TOR1A: variants seen among roughly 807,000 people sequenced by gnomAD.
TOR1A encodes torsin family 1 member A.
Under a neutral mutation model 31.4 loss-of-function variants are expected in TOR1A, and 18 were observed. The observed-to-expected ratio is 0.57, with a 90% CI of 0.40 to 0.85. TOR1A has a LOEUF of 0.85. Among genes scored for constraint, TOR1A ranks in the 40% least tolerant of loss-of-function variants. The probability of loss-of-function intolerance (pLI) is 0.00; values close to 1 mark genes in which losing one functional copy is unlikely to be tolerated. For synonymous variants in TOR1A, 168 were observed against 165.9 expected (o/e 1.01, Z -0.10); for missense variants, 375 against 416.4 (o/e 0.90, Z 0.87).
At chr9:129,814,541 G>A (rs1241701519) in intron 4 of TOR1A, among the ~76,000 whole-genome samples, 1 of 151,718 alleles carries the variant, frequency 6.6e-6, no homozygotes, top group Non-Finnish European at 1.5e-5. Context: ...CTCCCTTGTG[G>A]AGCTCCAGAT....
At chr9:129,822,961 G>A (rs966320058) in intron 1 of TOR1A, 115 bp from the exon 2 acceptor site, 5 of 1,449,716 alleles carry the variant, frequency 3.4e-6, no homozygotes, top group East Asian at 4.7e-5. Context: ...AGCACCTTGC[G>A]AAACCTCAAG....
chr9:129,820,625 G>A (rs925944280), intron 2 of TOR1A, among the ~76,000 whole-genome samples: 1 of 152,060 alleles, frequency 6.6e-6, no homozygotes, highest in East Asian at 1.9e-4. Flanking sequence ...TTGGGACAGG[G>A]TCTCACTCCG....
intron 1 of TOR1A, 21 bp downstream of exon 1, chr9:129,823,887 C>CCA: frequency 6.7e-7 from 1 of 1,483,598 alleles, no homozygotes; most frequent in Non-Finnish European, 9.1e-7. Flanking sequence ...GCCCCAGCCT[C>CCA]CAGCCCCCGC....
chr9:129,818,986 C>A, intron 2 of TOR1A, 66 bp from the exon 3 acceptor site: 2 of 1,557,910 alleles, frequency 1.3e-6, no homozygotes, highest in Non-Finnish European at 1.7e-6. Context: ...GCTCCTTCTA[C>A]CACTAAGAAC....
At chr9:129,823,144 C>T (rs2031230608) in intron 1 of TOR1A, among the ~76,000 whole-genome samples, 2 of 152,190 alleles carry the variant, frequency 1.3e-5, no homozygotes, top group South Asian at 2.1e-4. Flanking sequence ...CCTCCCACCC[C>T]AAGGCAGAGC....
Position 129,813,772 on chromosome 9 carries a change from A to G in TOR1A, c.*200T>C. 1 of 721,534 alleles carries G rather than the reference A, an allele frequency of 1.4e-6. No individual in the cohort carries two copies. The highest frequency in any genetic ancestry group is 2.3e-6 in the Non-Finnish European group (1 of 426,804). The allele number at this position is 721,534 out of a possible 1,614,324, so 44.7% of individuals were successfully genotyped here. ...CTTCTGTGCGTGTTCGGGAGGCTTC[A>G]CGTCCTCGCCCGTGGTCCCTGGGTG... On this transcript the variant is annotated 3_prime_UTR_variant, in exon 5 of 5. Coordinates refer to ENST00000351698, the MANE Select transcript of TOR1A (RefSeq NM_000113.3).
chr9:129,816,729 C>T (rs766551653), intron 4 of TOR1A, among the ~76,000 whole-genome samples: 83 of 152,212 alleles, frequency 5.5e-4, no homozygotes, highest in Admixed American at 2.4e-3. Context: ...TTCTAGGCCA[C>T]GGGGCTCATC....
intron 2 of TOR1A, 62 bp from the exon 3 acceptor site, chr9:129,818,982 T>C: frequency 1.3e-6 from 2 of 1,577,366 alleles, no homozygotes; most frequent in Non-Finnish European, 1.7e-6. Context: ...ATCAGCTCCT[T>C]CTACCACTAA....
intron 4 of TOR1A, among the ~76,000 whole-genome samples, chr9:129,815,909 G>A (rs2031024287): frequency 6.6e-6 from 1 of 151,958 alleles, no homozygotes; most frequent in Admixed American, 6.6e-5. Context: ...CCGCTTCCAC[G>A]CTGGGCTCCC....
chr9:129,823,876 AG>A, intron 1 of TOR1A, 31 bp downstream of exon 1: 19 of 871,678 alleles, frequency 2.2e-5, no homozygotes, highest in Non-Finnish European at 2.6e-5. Context: ...CCCCAGCCCC[AG>A]CCCCAGCCTC....
At chr9:129,814,345 C>G in intron 4 of TOR1A, 123 bp from the exon 5 acceptor site, 5 of 1,451,522 alleles carry the variant, frequency 3.4e-6, no homozygotes, top group Non-Finnish European at 4.7e-6. Flanking sequence ...GTCACCTATC[C>G]ATGCCACACA....
rs1051480075 is a variant in TOR1A at position 129,823,984 on chromosome 9, G to A, written c.102C>T (p.Leu34=). Residue 34 remains leucine, a synonymous_variant, in exon 1 of 5, where the codon CTC becomes CTT. Transcript: ENST00000351698. ...AGAGACGCGGGTAGATGTAGCCGGTGAGGACGCCGGCCAGGGCCAGTCCCA... is the reference window on the plus strand; with the variant it reads ...AGAGACGCGGGTAGATGTAGCCGGTAAGGACGCCGGCCAGGGCCAGTCCCA... ...ISLGLALAGV[L]TGYIYPRLYC... 9 of 1,611,386 alleles carry A rather than the reference G, an allele frequency of 5.6e-6. No homozygotes were observed. In the African/African-American group the frequency reaches 9.3e-5, roughly 17 times the overall value.
At chr9:129,816,815 T>TA (rs2031052027) in intron 4 of TOR1A, among the ~76,000 whole-genome samples, 1 of 152,250 alleles carries the variant, frequency 6.6e-6, no homozygotes, top group Admixed American at 6.5e-5. Context: ...TCCAACATGT[T>TA]ACAAAATACT....
chr9:129,815,733 G>A (rs945013324), intron 4 of TOR1A, among the ~76,000 whole-genome samples: 3 of 152,172 alleles, frequency 2.0e-5, no homozygotes, highest in African/African-American at 4.8e-5. Flanking sequence ...CACTGAGCTC[G>A]CCCGTCCTTC....
intron 4 of TOR1A, among the ~76,000 whole-genome samples, chr9:129,817,556 G>A (rs1179851122): frequency 1.3e-5 from 2 of 151,878 alleles, no homozygotes; most frequent in Non-Finnish European, 2.9e-5. Flanking sequence ...AAAATTTGCC[G>A]AGTGTGGTGG....
chr9:129,821,888 T>G, intron 2 of TOR1A: 1 of 148,552 alleles, frequency 6.7e-6, no homozygotes. Context: ...AGTGAGACCC[T>G]GACTCAAAGA....
rs552324592 is a variant in TOR1A at position 129,815,430 on chromosome 9, G to A, written c.749-1208C>T. 3.3e-5 allele frequency among the ~76,000 whole-genome samples: 5 copies of A among 152,342 alleles called. No homozygotes were observed. The South Asian group carries it at 8.3e-4, about 25-fold the overall frequency. On this transcript the variant is annotated intron_variant, in intron 4 of 4. Transcript: ENST00000351698. ...ACAGCTGAGGGCAGACGGACCTCACGGCTTTACCACTCTAGGGCAGGAAAC... is the reference window on the plus strand; with the variant it reads ...ACAGCTGAGGGCAGACGGACCTCACAGCTTTACCACTCTAGGGCAGGAAAC...
chr9:129,823,843 T>C, intron 1 of TOR1A, 65 bp downstream of exon 1: 1 of 1,493,928 alleles, frequency 6.7e-7, no homozygotes. Context: ...TGGTCCTAGT[T>C]CAGCCCTAGT....
At chr9:129,819,688 G>A (rs1360624161) in intron 2 of TOR1A, among the ~76,000 whole-genome samples, 1 of 151,964 alleles carries the variant, frequency 6.6e-6, no homozygotes, top group Non-Finnish European at 1.5e-5. Flanking sequence ...AACCTGGGAG[G>A]CGGAGGTTGC....
Sources: allele counts gnomAD v4.1 joint callset (sites outside exome capture counted in the v4.1 genomes callset), GRCh38; gene constraint gnomAD v4.1.1; transcripts MANE v1.5; gene names NCBI Gene and HGNC (gene_info 2026-07-23, HGNC 2026-07-21).